Variants in IL18 observed in about 807,000 individuals in gnomAD.
IL18 encodes interleukin-18.
A neutral mutation model predicts 14.2 loss-of-function variants in IL18; 8 were observed. The ratio of observed to expected loss-of-function variants is 0.56; its 90% CI spans 0.33 to 1.01. IL18 has a LOEUF of 1.01. IL18 is among the 50% of genes least tolerant of loss of function. The pLI is 0.03. For synonymous variants in IL18, 67 were observed against 71.0 expected, an observed-to-expected ratio of 0.94 and a Z score of 0.28; for missense variants, 166 against 231.1, an observed-to-expected ratio of 0.72 and a Z score of 1.83.
chr11:112,154,064 A>T (rs1326021759), intron 2 of IL18, among the ~76,000 whole-genome samples: 2 of 151,896 alleles, frequency 1.3e-5, no homozygotes, highest in Non-Finnish European at 2.9e-5. Context: ...GGCTCAAGTG[A>T]TCCTCCTGCT....
intron 4 of IL18, among the ~76,000 whole-genome samples, chr11:112,149,215 G>A (rs1374521614): frequency 6.6e-6 from 1 of 151,912 alleles, no homozygotes; most frequent in South Asian, 2.1e-4. Flanking sequence ...TCGCTTGAAC[G>A]TGGGAGGTGG....
chr11:112,150,412 G>C (rs1866417804), intron 3 of IL18: 1 of 463,676 alleles, frequency 2.2e-6, no homozygotes, highest in African/African-American at 2.0e-5. Context: ...CTCTGCCTCT[G>C]AAGTGTTAAC....
rs5744274 is a variant in IL18 at position 112,146,458 on chromosome 11, T to A, written c.360+2145A>T. The stretch of plus-strand genomic sequence containing the variant: ...GCCTCAGGCTCACGAGTAGCTGGGA[T>A]TACAGGTGCATGCCACCATGCCTGG... On this transcript the variant is annotated intron_variant, in intron 5 of 5. Transcript: ENST00000280357. 3.4e-3 allele frequency among the ~76,000 whole-genome samples: 515 copies of A among 152,256 alleles called. 2 individuals carry two copies. The highest frequency in any genetic ancestry group is 0.01 in the African/African-American group (435 of 41,566).
intron 1 of IL18, among the ~76,000 whole-genome samples, chr11:112,159,594 GAA>G (rs1488144514): frequency 2.6e-5 from 4 of 152,076 alleles, no homozygotes; most frequent in Non-Finnish European, 5.9e-5. Context: ...CATTCATTAA[GAA>G]AAAAGAACGA....
chr11:112,151,319 C>G (rs182612206), intron 3 of IL18, among the ~76,000 whole-genome samples: 126 of 152,018 alleles, frequency 8.3e-4, no homozygotes, highest in African/African-American at 3.0e-3. Flanking sequence ...AGTACAATCC[C>G]TTTTAATAAA....
At chr11:112,153,408 T>A (rs1866480946) in intron 3 of IL18, 184 bp downstream of exon 3, 3 of 423,112 alleles carry the variant, frequency 7.1e-6, no homozygotes, top group African/African-American at 6.1e-5. Context: ...TTGCTAGAGG[T>A]TCTTCTTTGT....
intron 1 of IL18, among the ~76,000 whole-genome samples, chr11:112,156,183 C>T (rs1362976549): frequency 1.3e-5 from 2 of 151,856 alleles, no homozygotes; most frequent in Non-Finnish European, 2.9e-5. Context: ...TAATATGAGG[C>T]CTAGCATGTA....
intron 4 of IL18, among the ~76,000 whole-genome samples, chr11:112,149,384 C>T (rs551059221): frequency 6.6e-6 from 1 of 151,858 alleles, no homozygotes; most frequent in African/African-American, 2.4e-5. Context: ...GATATGAATT[C>T]TAAAAGATTG....
intron 5 of IL18, among the ~76,000 whole-genome samples, chr11:112,147,604 G>A (rs551890935): frequency 1.3e-5 from 2 of 152,316 alleles, no homozygotes; most frequent in East Asian, 3.9e-4. Flanking sequence ...CTGAAGGGGT[G>A]GCACTCTGGT....
chr11:112,143,702 T>C lies in IL18; in HGVS notation c.476A>G (p.Tyr159Cys). ...TCTCTCTTTTTCACAAGCTAGAAAGTATCCTTCGTATGATGAAGATTCAAA... is the reference window on the plus strand; with the variant it reads ...TCTCTCTTTTTCACAAGCTAGAAAGCATCCTTCGTATGATGAAGATTCAAA... ...MQFESSSYEG[Y>C]FLACEKERDL... is the part of the protein sequence containing the mutation. The change falls in exon 6 of 6, where the codon TAC becomes TGC. Residue 159 changes from tyrosine (Y) to cysteine (C), a missense_variant. By Grantham distance (194) the Tyr-to-Cys change is radical. Transcript: ENST00000280357. 6.2e-7 allele frequency: 1 copy of C among 1,612,218 alleles called. No individual in the cohort carries two copies. Among genetic ancestry groups the C allele is most frequent in the Non-Finnish European group, 8.5e-7 (1 of 1,178,356 alleles).
intron 5 of IL18, among the ~76,000 whole-genome samples, chr11:112,146,162 C>T (rs1866339670): frequency 2.0e-5 from 3 of 150,672 alleles, no homozygotes; most frequent in Non-Finnish European, 2.9e-5. Flanking sequence ...GATATAGATA[C>T]ATATATACAT....
rs932097793 is a variant in IL18 at position 112,143,480 on chromosome 11, C to G, written c.*116G>C. 7.9e-6 allele frequency: 5 copies of G among 630,570 alleles called. No homozygotes were observed. Among genetic ancestry groups the G allele is most frequent in the African/African-American group, 1.8e-5 (1 of 54,240 alleles). 39.1% of individuals were successfully genotyped at this position (630,570 alleles called of 1,614,324 possible). ...TATTTTTAGTAGAGATGAGGTTTCA[C>G]CATGTTGGTCAGGCTGGTCTTGAAC... On this transcript the variant is annotated 3_prime_UTR_variant, in exon 6 of 6. Coordinates refer to ENST00000280357, the MANE Select transcript of IL18 (RefSeq NM_001562.4).
At chr11:112,153,630 G>C in intron 2 of IL18, 27 bp from the exon 3 acceptor site, 1 of 1,517,184 alleles carries the variant, frequency 6.6e-7, no homozygotes, top group East Asian at 2.3e-5. Flanking sequence ...GAGAGAAACA[G>C]AATATGTAAA....
chr11:112,155,766 G>A (rs145733265), intron 1 of IL18, among the ~76,000 whole-genome samples: 16 of 152,138 alleles, frequency 1.1e-4, no homozygotes, highest in Non-Finnish European at 2.1e-4. Flanking sequence ...CTTCCAATAC[G>A]GTGTGCAGGC....
intron 1 of IL18, among the ~76,000 whole-genome samples, chr11:112,158,077 C>T (rs1016374964): frequency 6.6e-6 from 1 of 152,144 alleles, no homozygotes; most frequent in Non-Finnish European, 1.5e-5. Context: ...GAACTCCTGA[C>T]CTCAGGTGAT....
At chr11:112,154,900 G>T in intron 2 of IL18, 75 bp downstream of exon 2, 1 of 909,842 alleles carries the variant, frequency 1.1e-6, no homozygotes, top group Non-Finnish European at 1.7e-6. Flanking sequence ...TCACTTAATA[G>T]TTCACCTCAC....
Position 112,143,610 on chromosome 11 carries a change from G to C in IL18, c.568C>G (p.Gln190Glu). The change falls in exon 6 of 6, where the codon CAA becomes GAA. Residue 190 changes from glutamine (Q) to glutamate (E), a missense_variant. Gln to Glu is a conservative substitution (Grantham distance 29). Transcript: ENST00000280357. ...LGDRSIMFTV[Q>E]NED Reference sequence around the variant, plus strand: ...AATTTTAATAGCTAGTCTTCGTTTTGAACAGTGAACATTATAGATCTATCC... The same window carrying C: ...AATTTTAATAGCTAGTCTTCGTTTTCAACAGTGAACATTATAGATCTATCC... 1.2e-6 allele frequency: 2 copies of C among 1,608,922 alleles called. No homozygotes were observed. The highest frequency in any genetic ancestry group is 1.7e-6 in the Non-Finnish European group (2 of 1,176,434).
chr11:112,162,382 C>A (rs1396876899), intron 1 of IL18, among the ~76,000 whole-genome samples: 1 of 150,808 alleles, frequency 6.6e-6, no homozygotes, highest in African/African-American at 2.4e-5. Flanking sequence ...GCTCTATCAC[C>A]CAGGCTGGAG....
chr11:112,152,790 C>T (rs1286749909), intron 3 of IL18, among the ~76,000 whole-genome samples: 1 of 152,174 alleles, frequency 6.6e-6, no homozygotes, highest in Admixed American at 6.5e-5. Flanking sequence ...AGGTTGCTTC[C>T]AGCCATACTA....
Sources: gnomAD v4.1 joint callset for allele counts (sites outside exome capture counted in the v4.1 genomes callset) on GRCh38, gnomAD v4.1.1 for gene constraint, MANE v1.5 for transcripts, NCBI Gene and HGNC (gene_info 2026-07-23, HGNC 2026-07-21) for gene names.